LAMA4: variants seen among roughly 807,000 people sequenced by gnomAD.
The protein encoded by LAMA4 is laminin subunit alpha 4.
In LAMA4, 127 loss-of-function variants were observed where a neutral mutation model predicts 207.1. The ratio of observed to expected loss-of-function variants is 0.61; its 90% CI spans 0.53 to 0.71. The LOEUF (loss-of-function observed/expected upper bound fraction) is 0.71, where lower values mean the gene tolerates loss of function less well. Ranked by LOEUF, LAMA4 falls within the 30% of genes least tolerant of loss-of-function variation. The pLI is 0.00. For missense variants in LAMA4, 2,093 were observed against 2,246.5 expected (o/e 0.93, Z 1.38); for synonymous variants, 761 against 816.0 (o/e 0.93, Z 1.15).
chr6:112,137,184 T>C (rs1779403275), intron 24 of LAMA4, among the ~76,000 whole-genome samples: 1 of 152,176 alleles, frequency 6.6e-6, no homozygotes, highest in Admixed American at 6.5e-5. Context: ...GTTTTGCTTG[T>C]TTCAGAAGAT....
chr6:112,149,670 G>T (rs1780257942), intron 17 of LAMA4, among the ~76,000 whole-genome samples: 1 of 152,100 alleles, frequency 6.6e-6, no homozygotes, highest in African/African-American at 2.4e-5. Flanking sequence ...CCCAGTGTTG[G>T]CTATTTCTTC....
chr6:112,200,872 G>A (rs1399127178), intron 5 of LAMA4, among the ~76,000 whole-genome samples: 4 of 151,936 alleles, frequency 2.6e-5, no homozygotes, highest in African/African-American at 4.8e-5. Flanking sequence ...TCACATACCG[G>A]GGCCTGTCAG....
intron 34 of LAMA4, 48 bp downstream of exon 34, chr6:112,119,108 C>G (rs201221521): frequency 3.1e-6 from 5 of 1,594,202 alleles, no homozygotes; most frequent in African/African-American, 1.3e-5. Context: ...ATTAGATGAT[C>G]TTCTGGCTCT....
chr6:112,153,652 C>A (rs566198770), intron 16 of LAMA4, among the ~76,000 whole-genome samples: 1 of 152,176 alleles, frequency 6.6e-6, no homozygotes, highest in Admixed American at 6.5e-5. Flanking sequence ...AAGACTGACA[C>A]ATTCTGATCT....
intron 4 of LAMA4, among the ~76,000 whole-genome samples, chr6:112,204,372 TAAG>T (rs1783930504): frequency 6.6e-6 from 1 of 151,794 alleles, no homozygotes; most frequent in African/African-American, 2.4e-5. Flanking sequence ...GTAATTTAGA[TAAG>T]AAAGTCTTGT....
At chr6:112,246,357 A>T (rs987159386) in intron 2 of LAMA4, among the ~76,000 whole-genome samples, 3 of 152,204 alleles carry the variant, frequency 2.0e-5, no homozygotes, top group African/African-American at 4.8e-5. Context: ...AGTTCTCAAA[A>T]TTATGTCTGG....
intron 2 of LAMA4, among the ~76,000 whole-genome samples, chr6:112,243,008 G>C (rs1786630431): frequency 6.6e-6 from 1 of 152,172 alleles, no homozygotes; most frequent in Admixed American, 6.5e-5. Flanking sequence ...TCCAGTCCCT[G>C]ATCTCTTCCA....
At chr6:112,235,193 C>A (rs1364984573) in intron 2 of LAMA4, among the ~76,000 whole-genome samples, 1 of 152,140 alleles carries the variant, frequency 6.6e-6, no homozygotes, top group African/African-American at 2.4e-5. Flanking sequence ...ACCCCTTTTT[C>A]CTTGTCCTCT....
At chr6:112,139,630 T>G in intron 23 of LAMA4, 122 bp downstream of exon 23, 2 of 1,152,854 alleles carry the variant, frequency 1.7e-6, no homozygotes, top group Non-Finnish European at 2.6e-6. Flanking sequence ...GTATGACTTA[T>G]GTAGTTTCAA....
intron 38 of LAMA4, among the ~76,000 whole-genome samples, chr6:112,111,617 T>A (rs1583620070): frequency 6.6e-6 from 1 of 152,240 alleles, no homozygotes; most frequent in African/African-American, 2.4e-5. Context: ...ATTAATTACA[T>A]TTCATCTTAA....
At chr6:112,190,947 CCTTT>C (rs199702092) in intron 6 of LAMA4, among the ~76,000 whole-genome samples, 628 of 40,364 alleles carry the variant, frequency 0.016, 24 homozygotes, top group South Asian at 0.027. Context: ...TTCTTTCTTT[CCTTT>C]CTTTCTTTCT....
chr6:112,141,285 C>A, intron 21 of LAMA4, 73 bp downstream of exon 21: 1 of 1,298,662 alleles, frequency 7.7e-7, no homozygotes, highest in Non-Finnish European at 1.1e-6. Context: ...TGTGTGTGTG[C>A]ACGCACATGT....
intron 2 of LAMA4, chr6:112,218,258 A>T (rs1182071084): frequency 1.3e-5 from 2 of 152,230 alleles, no homozygotes; most frequent in Non-Finnish European, 2.9e-5. Flanking sequence ...ACCATATTAC[A>T]GTCTTCTGGG....
chr6:112,250,570 A>C (rs1554189575), intron 2 of LAMA4, among the ~76,000 whole-genome samples: 1 of 152,160 alleles, frequency 6.6e-6, no homozygotes, highest in East Asian at 1.9e-4. Flanking sequence ...CTCATTGACA[A>C]CTCAATGTTG....
At chr6:112,174,441 GA>G (rs1400044778) in intron 11 of LAMA4, among the ~76,000 whole-genome samples, 6 of 152,222 alleles carry the variant, frequency 3.9e-5, no homozygotes, top group African/African-American at 1.4e-4. Flanking sequence ...GCCAACCCAT[GA>G]AAGCATGAGC....
At chr6:112,119,343 A>G in intron 33 of LAMA4, 32 bp from the exon 34 acceptor site, 2 of 1,585,932 alleles carry the variant, frequency 1.3e-6, no homozygotes, top group Non-Finnish European at 1.7e-6. Context: ...AGCACATCTC[A>G]GGTACATTCC....
chr6:112,236,095 T>C (rs1168146495), intron 2 of LAMA4: 1 of 152,198 alleles, frequency 6.6e-6, no homozygotes, highest in Non-Finnish European at 1.5e-5. Context: ...TGTGATGCAG[T>C]AGAGAAAGAC....
rs190012622 is a variant in LAMA4, at chr6:112,186,907, G to A, written c.966+543C>T. ...TGTTTACTAGGTATTAACCAGTAGA[G>A]CTATGAGGAGAAACAAGGTGTGTGT... On this transcript the variant is annotated intron_variant, in intron 8 of 38. Coordinates refer to ENST00000230538, the MANE Select transcript of LAMA4 (RefSeq NM_001105206.3). 5 of 455,376 alleles carry A rather than the reference G, an allele frequency of 1.1e-5. No individual in the cohort carries two copies. In the East Asian group the frequency reaches 2.8e-4, roughly 25 times the overall value. 28.2% of individuals were successfully genotyped at this position (455,376 alleles called of 1,614,324 possible).
chr6:112,114,555 T>C lies in LAMA4; in HGVS notation c.5206+108A>G, dbSNP rs116741182. 1.2e-3 allele frequency: 959 copies of C among 797,820 alleles called. 13 individuals carry two copies. In the African/African-American group the frequency reaches 0.015, roughly 12 times the overall value. 49.4% of individuals were successfully genotyped at this position (797,820 alleles called of 1,614,324 possible). ...AACATGATTTTCTTTTCTTGGATAC[T>C]TTTAGACTGTCATGCATTACCTATC... On this transcript the variant is annotated intron_variant, in intron 37 of 38. Coordinates refer to ENST00000230538, the MANE Select transcript of LAMA4 (RefSeq NM_001105206.3).
Sources: allele counts gnomAD v4.1 joint callset (sites outside exome capture counted in the v4.1 genomes callset), GRCh38; gene constraint gnomAD v4.1.1; transcripts MANE v1.5; gene names NCBI Gene and HGNC (gene_info 2026-07-23, HGNC 2026-07-21).